Variants in AUTS2 observed in about 807,000 individuals in gnomAD.
The protein encoded by AUTS2 is activator of transcription and developmental regulator AUTS2, also known as autism susceptibility gene 2 protein.
Under a neutral mutation model 112.4 loss-of-function variants are expected in AUTS2, and 17 were observed. The ratio of observed to expected loss-of-function variants is 0.15; its 90% CI spans 0.10 to 0.23. The LOEUF (loss-of-function observed/expected upper bound fraction) is 0.23. Ranked by LOEUF, AUTS2 falls within the 10% of genes least tolerant of loss-of-function variation. The pLI, the probability that AUTS2 is intolerant of heterozygous loss-of-function variation, is 1.00. For missense variants in AUTS2, 1,510 were observed against 1,701.6 expected (o/e 0.89, Z 1.98); for synonymous variants, 751 against 702.7 (o/e 1.07, Z -1.09).
rs117031755 is a variant in AUTS2 at position 70,699,040 on chromosome 7, C to A, written c.742+420C>A. Reference sequence around the variant, plus strand: ...CACAGTATTATGGTCATAAACCAAGCCTTACTCTGCTGTGGGCTTTCTGTA... The same window carrying A: ...CACAGTATTATGGTCATAAACCAAGACTTACTCTGCTGTGGGCTTTCTGTA... On this transcript the variant is annotated intron_variant, in intron 6 of 18. Coordinates refer to ENST00000342771, the MANE Select transcript of AUTS2 (RefSeq NM_015570.4). 94 of 154,604 alleles carry A rather than the reference C, an allele frequency of 6.1e-4. 1 individual carries two copies. Among genetic ancestry groups the A allele is most frequent in the Non-Finnish European group, 1.2e-3 (83 of 69,678 alleles). 9.6% of individuals were successfully genotyped at this position (154,604 alleles called of 1,614,324 possible). A position where few individuals can be genotyped will look rare whatever the true frequency, so the allele number is the denominator to read the frequency against.
intron 1 of AUTS2, among the ~76,000 whole-genome samples, chr7:69,768,376 G>A (rs1013396771): frequency 6.6e-6 from 1 of 152,190 alleles, no homozygotes; most frequent in African/African-American, 2.4e-5. Flanking sequence ...ACCTAGTGGA[G>A]TACATTTCAG....
chr7:70,469,685 G>A (rs753415369), intron 5 of AUTS2, among the ~76,000 whole-genome samples: 11 of 152,028 alleles, frequency 7.2e-5, no homozygotes, highest in Admixed American at 2.0e-4. Context: ...CTGTTGCCCC[G>A]CCTGCAGTGC....
In AUTS2 at chr7:70,730,222, T is replaced by TTTTTTG. The variant is rs1424908013; in HGVS notation, c.742+31607_742+31608insGTTTTT. On this transcript the variant is annotated intron_variant, in intron 6 of 18. Transcript: ENST00000342771. ...AAGCAGTAAAAGGACAACCAGTTTT[T>TTTTTTG]TTTTTTGTTTTTTGTTTGTTTGTTT... Among the ~76,000 whole-genome samples, 72 of 143,778 alleles carry TTTTTTG rather than the reference T, an allele frequency of 5.0e-4. 1 individual carries two copies. In the South Asian group the frequency reaches 0.013, roughly 26 times the overall value. 94.3% of individuals were successfully genotyped at this position (143,778 alleles called of 152,430 possible).
chr7:70,102,520 C>A (rs777694322), intron 2 of AUTS2, among the ~76,000 whole-genome samples: 18 of 151,752 alleles, frequency 1.2e-4, no homozygotes, highest in Non-Finnish European at 2.5e-4. Flanking sequence ...ATTATAGTTT[C>A]TTTGGTTAGA....
chr7:69,706,313 C>T (rs972355150), intron 1 of AUTS2, among the ~76,000 whole-genome samples: 2 of 152,144 alleles, frequency 1.3e-5, no homozygotes, highest in Non-Finnish European at 2.9e-5. Flanking sequence ...CCTGGACAGC[C>T]GATAGCTGGC....
intron 4 of AUTS2, among the ~76,000 whole-genome samples, chr7:70,208,770 A>T (rs1810707779): frequency 6.6e-6 from 1 of 151,598 alleles, no homozygotes; most frequent in Non-Finnish European, 1.5e-5. Context: ...TTGGGAGGAG[A>T]TGCAAGTGTT....
intron 4 of AUTS2, among the ~76,000 whole-genome samples, chr7:70,175,226 G>C (rs183984779): frequency 6.6e-6 from 1 of 152,200 alleles, no homozygotes; most frequent in East Asian, 1.9e-4. Context: ...GAAATATCAA[G>C]AGAACTAGCA....
intron 4 of AUTS2, among the ~76,000 whole-genome samples, chr7:70,363,075 A>G (rs1408968768): frequency 6.6e-6 from 1 of 152,222 alleles, no homozygotes; most frequent in Non-Finnish European, 1.5e-5. Context: ...TAATACACAG[A>G]TGGTAATCTA....
rs377392815 is a variant in AUTS2 at position 70,227,855 on chromosome 7, T to C, written c.660+93284T>C. On this transcript the variant is annotated intron_variant, in intron 4 of 18. Coordinates refer to ENST00000342771, the MANE Select transcript of AUTS2 (RefSeq NM_015570.4). ...TAGATAGTTATGGCCTAGCATATGA[T>C]CTATTTTGATGATGTACCATGTGTG... is the stretch of plus-strand genomic sequence containing the variant. Among the ~76,000 whole-genome samples the C allele has an allele frequency of 2.0e-5, 3 of 152,220 alleles. No individual in the cohort carries two copies. In the East Asian group the frequency reaches 5.8e-4, roughly 29 times the overall value.
At chr7:69,802,623 C>T (rs947794612) in intron 1 of AUTS2, among the ~76,000 whole-genome samples, 1 of 152,186 alleles carries the variant, frequency 6.6e-6, no homozygotes, top group South Asian at 2.1e-4. Flanking sequence ...TCTTTCTGAA[C>T]CTTAGAGTAC....
chr7:70,532,246 G>C (rs1051987761), intron 5 of AUTS2, among the ~76,000 whole-genome samples: 1 of 152,192 alleles, frequency 6.6e-6, no homozygotes, highest in Admixed American at 6.5e-5. Flanking sequence ...AACTGGCCCA[G>C]AGTTAACGTG....
intron 1 of AUTS2, among the ~76,000 whole-genome samples, chr7:69,759,570 T>C (rs1788080179): frequency 6.6e-6 from 1 of 152,068 alleles, no homozygotes; most frequent in Non-Finnish European, 1.5e-5. Flanking sequence ...AAAAATGCCT[T>C]CATAATTTCT....
chr7:69,740,715 G>A (rs943300779), intron 1 of AUTS2, among the ~76,000 whole-genome samples: 2 of 151,854 alleles, frequency 1.3e-5, no homozygotes, highest in Admixed American at 1.3e-4. Context: ...TAATAGAGAC[G>A]GACTTTCACC....
intron 4 of AUTS2, among the ~76,000 whole-genome samples, chr7:70,273,147 C>G (rs1029832150): frequency 6.6e-6 from 1 of 152,128 alleles, no homozygotes; most frequent in Admixed American, 6.5e-5. Context: ...CTCCTAGGCT[C>G]AAACAATCCT....
intron 3 of AUTS2, among the ~76,000 whole-genome samples, chr7:70,134,159 A>G (rs1437096111): frequency 6.6e-6 from 1 of 152,148 alleles, no homozygotes; most frequent in East Asian, 1.9e-4. Flanking sequence ...AAAACTGAGT[A>G]GCTTGAGACC....
At chr7:70,439,684 T>A (rs1276881366) in intron 5 of AUTS2, among the ~76,000 whole-genome samples, 2 of 152,134 alleles carry the variant, frequency 1.3e-5, no homozygotes, top group African/African-American at 4.8e-5. Flanking sequence ...TCACCCAAAT[T>A]AAGCAATTAT....
At chr7:70,748,957 G>C (rs966621978) in intron 6 of AUTS2, among the ~76,000 whole-genome samples, 19 of 152,210 alleles carry the variant, frequency 1.2e-4, no homozygotes, top group Admixed American at 4.6e-4. Flanking sequence ...GGTGCTCACA[G>C]TTGTACTTGG....
Position 70,435,705 on chromosome 7 carries a change from A to G in AUTS2, c.661-47A>G, listed in dbSNP as rs143517758. On this transcript the variant is annotated intron_variant, in intron 4 of 18. Transcript: ENST00000342771. Reference sequence around the variant, plus strand: ...GGGAGGAGGCATCAAAAGCAAAAACATACTCAGTTCTTGCACTAACCCTTA... The same window carrying G: ...GGGAGGAGGCATCAAAAGCAAAAACGTACTCAGTTCTTGCACTAACCCTTA... 5,986 of 1,604,474 alleles carry G rather than the reference A, an allele frequency of 3.7e-3. 16 individuals are homozygous for G. The highest frequency in any genetic ancestry group is 0.012 in the Middle Eastern group (71 of 6,040).
intron 1 of AUTS2, among the ~76,000 whole-genome samples, chr7:69,775,223 C>G (rs1437493852): frequency 6.6e-6 from 1 of 152,166 alleles, no homozygotes; most frequent in African/African-American, 2.4e-5. Context: ...CACTTATCTT[C>G]TTGGTGGCTA....
Sources: allele counts gnomAD v4.1 joint callset (sites outside exome capture counted in the v4.1 genomes callset), GRCh38; gene constraint gnomAD v4.1.1; transcripts MANE v1.5; gene names NCBI Gene and HGNC (gene_info 2026-07-23, HGNC 2026-07-21).